EIF4G3: variants seen among roughly 807,000 people sequenced by gnomAD.
The protein encoded by EIF4G3 is eukaryotic translation initiation factor 4 gamma 3.
In EIF4G3, 34 loss-of-function variants were observed where a neutral mutation model predicts 186.4. The ratio of observed to expected loss-of-function variants is 0.18; its 90% confidence interval spans 0.14 to 0.24. The LOEUF (loss-of-function observed/expected upper bound fraction) is 0.24, where lower values mean the gene tolerates loss of function less well. EIF4G3 is among the 10% of genes least tolerant of loss of function. EIF4G3 has a pLI of 1.00. For synonymous variants in EIF4G3, 673 were observed against 679.5 expected (o/e 0.99, Z 0.15); for missense variants, 1,536 against 1,948.5 (o/e 0.79, Z 3.99).
At chr1:21,023,247 C>T (rs868400607) in intron 4 of EIF4G3, among the ~76,000 whole-genome samples, 1 of 94,782 alleles carries the variant, frequency 1.1e-5, no homozygotes, top group African/African-American at 4.2e-5. Context: ...CTCCCCTCCC[C>T]CTCCCCCCCT....
intron 29 of EIF4G3, among the ~76,000 whole-genome samples, chr1:20,845,788 C>A (rs1432335756): frequency 2.6e-5 from 4 of 151,966 alleles, no homozygotes; most frequent in African/African-American, 9.7e-5. Flanking sequence ...ATTTGGGCTC[C>A]TTTTTTTGGT....
intron 2 of EIF4G3, among the ~76,000 whole-genome samples, chr1:21,160,107 C>G (rs1029301339): frequency 8.8e-6 from 1 of 114,132 alleles, no homozygotes; most frequent in Non-Finnish European, 1.8e-5. Flanking sequence ...AACTCCATCT[C>G]AAAAAAAAAA....
At chr1:21,058,898 T>C (rs994895806) in intron 3 of EIF4G3, among the ~76,000 whole-genome samples, 2 of 151,730 alleles carry the variant, frequency 1.3e-5, no homozygotes, top group Non-Finnish European at 2.9e-5. Context: ...AGATATAGAC[T>C]TGTGACTGGA....
At position 20,957,439 on chromosome 1, in the gene EIF4G3, A is replaced by C. The variant is rs149224227; in HGVS notation, c.715-7328T>G. Among the ~76,000 whole-genome samples the C allele has an allele frequency of 2.8e-3, 420 of 152,206 alleles. 9 individuals are homozygous for C. In the East Asian group the frequency reaches 0.036, roughly 13 times the overall value. On this transcript the variant is annotated intron_variant, in intron 12 of 36. Coordinates refer to ENST00000602326, the MANE Select transcript of EIF4G3 (RefSeq NM_001391906.1). ...TAAATGTCTACATCAAAAAGTCTGA[A>C]AGAGTGCAAACTGACAACCTAATGT...
intron 2 of EIF4G3, among the ~76,000 whole-genome samples, chr1:21,158,860 A>G (rs2097708265): frequency 6.6e-6 from 1 of 152,186 alleles, no homozygotes; most frequent in Non-Finnish European, 1.5e-5. Context: ...CGAAACTCAA[A>G]AACAGAAATA....
rs368311603 is a variant in EIF4G3 at position 20,817,527 on chromosome 1, G to A, written c.4380C>T (p.Phe1460=). Residue 1460 remains phenylalanine, a synonymous_variant, in exon 34 of 37, where the codon TTC becomes TTT. Transcript: ENST00000602326. ...HNFLLEQKLD[F]IESDSPCSSE... ...AGGAACAGGGACTGTCAGACTCTATGAAGTCCAACTTCTGAAACATAAAAG... is the reference window on the plus strand; with the variant it reads ...AGGAACAGGGACTGTCAGACTCTATAAAGTCCAACTTCTGAAACATAAAAG... 4 of 1,585,226 alleles carry A rather than the reference G, an allele frequency of 2.5e-6. No homozygotes were observed. Among genetic ancestry groups the A allele is most frequent in the Non-Finnish European group, 3.4e-6 (4 of 1,164,320 alleles).
At chr1:21,136,115 G>A (rs572387429) in intron 2 of EIF4G3, among the ~76,000 whole-genome samples, 15 of 152,240 alleles carry the variant, frequency 9.9e-5, no homozygotes, top group East Asian at 1.9e-4. Context: ...CCCGGGAAGC[G>A]GAGCTTGCAG....
chr1:20,941,503 T>C lies in EIF4G3; in HGVS notation c.1651A>G (p.Ser551Gly), dbSNP rs1015824251. The change falls in exon 14 of 37, where the codon AGC (serine) becomes GGC (glycine). Residue 551 changes from serine (S) to glycine (G), a missense_variant. Transcript: ENST00000602326. ...CAGAATGGCTTACCTGGGACAGGGC[T>C]CCTTCTTGAATTTAAGTTTTGAGAA... ...LDSQNLNSRR[S>G]PVPAQIAITV... 1.9e-6 allele frequency: 3 copies of C among 1,609,578 alleles called. No individual in the cohort carries two copies. The highest frequency in any genetic ancestry group is 2.5e-6 in the Non-Finnish European group (3 of 1,177,878).
At chr1:20,914,802 G>T (rs531702780) in intron 14 of EIF4G3, among the ~76,000 whole-genome samples, 4 of 152,286 alleles carry the variant, frequency 2.6e-5, no homozygotes, top group African/African-American at 9.6e-5. Flanking sequence ...TTTCCAACTT[G>T]AATCCTTTTA....
chr1:20,845,654 T>G (rs1043132157), intron 29 of EIF4G3, among the ~76,000 whole-genome samples: 1 of 151,392 alleles, frequency 6.6e-6, no homozygotes, highest in African/African-American at 2.4e-5. Context: ...AGTGCAAGAC[T>G]CCATCTCAAG....
At chr1:20,903,201 C>A (rs2090984704) in intron 15 of EIF4G3, among the ~76,000 whole-genome samples, 1 of 152,188 alleles carries the variant, frequency 6.6e-6, no homozygotes, top group Non-Finnish European at 1.5e-5. Context: ...TGTGAAGATA[C>A]AACCTTGCTT....
intron 30 of EIF4G3, 64 bp from the exon 31 acceptor site, chr1:20,829,336 G>C: frequency 1.3e-6 from 2 of 1,575,214 alleles, no homozygotes; most frequent in Non-Finnish European, 1.7e-6. Flanking sequence ...ATTAAATAAA[G>C]AGATAAAAAA....
chr1:21,124,404 A>G (rs187109162), intron 2 of EIF4G3, among the ~76,000 whole-genome samples: 24 of 152,312 alleles, frequency 1.6e-4, no homozygotes, highest in Non-Finnish European at 2.8e-4. Flanking sequence ...TGCTTCTTAC[A>G]TGGGCACTAC....
At chr1:21,065,515 A>C (rs2095195935) in intron 3 of EIF4G3, among the ~76,000 whole-genome samples, 1 of 151,616 alleles carries the variant, frequency 6.6e-6, no homozygotes, top group Non-Finnish European at 1.5e-5. Context: ...ATGCTACTGC[A>C]CTCCAGCCTG....
At chr1:20,818,582 C>T (rs1212469748) in intron 33 of EIF4G3, among the ~76,000 whole-genome samples, 1 of 151,952 alleles carries the variant, frequency 6.6e-6, no homozygotes, top group Non-Finnish European at 1.5e-5. Context: ...GTTGAGGCTG[C>T]AGTGAATTGT....
chr1:20,854,164 T>G (rs1399492417), intron 26 of EIF4G3, among the ~76,000 whole-genome samples: 2 of 152,164 alleles, frequency 1.3e-5, no homozygotes. Context: ...GCTAGTAAGA[T>G]GTGTTTGTGA....
intron 2 of EIF4G3, among the ~76,000 whole-genome samples, chr1:21,145,055 A>G (rs541312894): frequency 4.6e-5 from 7 of 152,152 alleles, no homozygotes; most frequent in African/African-American, 1.4e-4. Context: ...AGGTGGGAGG[A>G]CTGCTTGAGG....
At chr1:20,881,014 T>C (rs780750345) in intron 19 of EIF4G3, among the ~76,000 whole-genome samples, 2 of 151,996 alleles carry the variant, frequency 1.3e-5, no homozygotes, top group Non-Finnish European at 2.9e-5. Flanking sequence ...TACAAAACCC[T>C]AGAAGAGCCT....
intron 4 of EIF4G3, among the ~76,000 whole-genome samples, chr1:21,005,160 A>C (rs922588093): frequency 6.6e-6 from 1 of 152,192 alleles, no homozygotes; most frequent in Non-Finnish European, 1.5e-5. Context: ...AAGAAAACAC[A>C]GGGAATGAAT....
Sources: gnomAD v4.1 joint callset for allele counts (sites outside exome capture counted in the v4.1 genomes callset) on GRCh38, gnomAD v4.1.1 for gene constraint, MANE v1.5 for transcripts, NCBI Gene and HGNC (gene_info 2026-07-23, HGNC 2026-07-21) for gene names.